CDH13: variants seen among roughly 807,000 people sequenced by gnomAD.
CDH13 encodes the protein cadherin-13.
In CDH13, 24 loss-of-function variants were observed where a neutral mutation model predicts 63.8. The observed-to-expected ratio is 0.38, with a 90% confidence interval of 0.27 to 0.53. The LOEUF (loss-of-function observed/expected upper bound fraction) is 0.53. Ranked by LOEUF, CDH13 falls within the 20% of genes least tolerant of loss-of-function variation. The pLI is 0.85. For synonymous variants in CDH13, 503 were observed against 355.3 expected, an observed-to-expected ratio of 1.42 and a Z score of -4.67; for missense variants, 1,049 against 903.1, an observed-to-expected ratio of 1.16 and a Z score of -2.07.
At chr16:83,179,735 C>T (rs1597474573) in intron 4 of CDH13, among the ~76,000 whole-genome samples, 1 of 152,048 alleles carries the variant, frequency 6.6e-6, no homozygotes, top group Non-Finnish European at 1.5e-5. Flanking sequence ...TTGAATTCGT[C>T]TCCCCAGATT....
chr16:82,920,317 C>G lies in CDH13; in HGVS notation c.157+61844C>G, dbSNP rs183391728. Among the ~76,000 whole-genome samples, 30 of 152,336 alleles carry G rather than the reference C, an allele frequency of 2.0e-4. No individual in the cohort carries two copies. In the East Asian group the frequency reaches 5.4e-3, roughly 27 times the overall value. ...CTCATAATGCAAAGGTAGTTGCCAGCAGCTCCAGGCTCACATCCATCCTTC... is the reference window on the plus strand; with the variant it reads ...CTCATAATGCAAAGGTAGTTGCCAGGAGCTCCAGGCTCACATCCATCCTTC... On this transcript the variant is annotated intron_variant, in intron 2 of 13. Coordinates refer to ENST00000567109, the MANE Select transcript of CDH13 (RefSeq NM_001257.5).
intron 7 of CDH13, among the ~76,000 whole-genome samples, chr16:83,584,182 T>G (rs1377161552): frequency 6.6e-6 from 1 of 151,092 alleles, no homozygotes. Context: ...ACAAAAAAAA[T>G]TAGCCGGGCA....
At chr16:83,590,882 T>C (rs922977816) in intron 7 of CDH13, among the ~76,000 whole-genome samples, 55 of 151,372 alleles carry the variant, frequency 3.6e-4, no homozygotes, top group Non-Finnish European at 1.3e-4. Context: ...ATCTGTGTTT[T>C]AGTACACCCA....
At chr16:82,895,332 C>A (rs1282948661) in intron 2 of CDH13, among the ~76,000 whole-genome samples, 1 of 152,132 alleles carries the variant, frequency 6.6e-6, no homozygotes, top group Non-Finnish European at 1.5e-5. Flanking sequence ...TGGCTTGTTA[C>A]CCTCCCTCCT....
rs978555566 is a variant in CDH13, at chr16:83,591,506, C to T, written c.961-10948C>T. On this transcript the variant is annotated intron_variant, in intron 7 of 13. Transcript: ENST00000567109. The stretch of plus-strand genomic sequence containing the variant: ...TGAAGGTAGGGCAGGACGAGAAGGC[C>T]TCGAAGGTACTTTTGAGAACTTGTG... Among the ~76,000 whole-genome samples, 3 of 152,298 alleles carry T rather than the reference C, an allele frequency of 2.0e-5. No individual in the cohort carries two copies. In the East Asian group the frequency reaches 5.8e-4, roughly 29 times the overall value.
intron 6 of CDH13, among the ~76,000 whole-genome samples, chr16:83,475,269 G>A (rs749002702): frequency 5.9e-5 from 9 of 152,216 alleles, no homozygotes; most frequent in African/African-American, 4.8e-5. Context: ...AGGTCTGGCC[G>A]CTGAAGTGCA....
At chr16:82,730,114 G>C (rs754594978) in intron 1 of CDH13, among the ~76,000 whole-genome samples, 4 of 152,168 alleles carry the variant, frequency 2.6e-5, no homozygotes, top group Non-Finnish European at 2.9e-5. Context: ...ATCAGCAATA[G>C]GACTGTCTTA....
At chr16:83,063,519 G>A (rs558099199) in intron 3 of CDH13, among the ~76,000 whole-genome samples, 8 of 152,188 alleles carry the variant, frequency 5.3e-5, no homozygotes, top group Non-Finnish European at 1.0e-4. Flanking sequence ...CCCAGCCTAA[G>A]GTTATAGCAA....
intron 7 of CDH13, among the ~76,000 whole-genome samples, chr16:83,577,359 C>T (rs935435463): frequency 3.9e-5 from 6 of 152,190 alleles, no homozygotes; most frequent in Non-Finnish European, 8.8e-5. Flanking sequence ...CTCCATGTCA[C>T]GCCTCACTGC....
intron 3 of CDH13, among the ~76,000 whole-genome samples, chr16:83,033,251 A>C (rs1916539867): frequency 6.6e-6 from 1 of 152,012 alleles, no homozygotes; most frequent in Admixed American, 6.5e-5. Flanking sequence ...CAGTGACTTC[A>C]GTATATCTAT....
rs59678924 is a variant in CDH13, at chr16:83,368,937, T to TACAC, written c.781+23933_781+23934insACAC. Among the ~76,000 whole-genome samples, 179 of 68,872 alleles carry TACAC rather than the reference T, an allele frequency of 2.6e-3. 5 individuals are homozygous for TACAC. Among genetic ancestry groups the TACAC allele is most frequent in the African/African-American group, 9.7e-3 (163 of 16,856 alleles). 45.2% of individuals were successfully genotyped at this position (68,872 alleles called of 152,430 possible). A position where few individuals can be genotyped will look rare whatever the true frequency, so the allele number is the denominator to read the frequency against. ...ATATATATATATATATATATATATATACTAGGTTTTTTTAATCTGTTCATT... is the reference window on the plus strand; with the variant it reads ...ATATATATATATATATATATATATATACACACTAGGTTTTTTTAATCTGTTCATT... On this transcript the variant is annotated intron_variant, in intron 6 of 13. Coordinates refer to ENST00000567109, the MANE Select transcript of CDH13 (RefSeq NM_001257.5).
At chr16:83,122,446 A>G (rs1001535822) in intron 3 of CDH13, among the ~76,000 whole-genome samples, 1 of 152,242 alleles carries the variant, frequency 6.6e-6, no homozygotes, top group African/African-American at 2.4e-5. Context: ...CGCATAGAGC[A>G]AACACCCTGA....
intron 8 of CDH13, among the ~76,000 whole-genome samples, chr16:83,661,796 A>G (rs2150838722): frequency 6.6e-6 from 1 of 152,336 alleles, no homozygotes; most frequent in Admixed American, 6.5e-5. Flanking sequence ...TGCAGCCAAC[A>G]CATGGAAATA....
At chr16:83,104,482 C>T (rs888358184) in intron 3 of CDH13, among the ~76,000 whole-genome samples, 2 of 152,016 alleles carry the variant, frequency 1.3e-5, no homozygotes, top group East Asian at 1.9e-4. Flanking sequence ...TAAAGAGAGC[C>T]ACATAAAAGA....
intron 4 of CDH13, among the ~76,000 whole-genome samples, chr16:83,198,721 G>C (rs939475754): frequency 2.0e-5 from 3 of 152,148 alleles, no homozygotes; most frequent in African/African-American, 7.2e-5. Flanking sequence ...ATAGTCTGTT[G>C]TATGGGAACA....
intron 3 of CDH13, among the ~76,000 whole-genome samples, chr16:83,108,136 A>G (rs534424023): frequency 1.3e-5 from 2 of 151,748 alleles, no homozygotes; most frequent in East Asian, 3.9e-4. Context: ...TTTTCTTTTT[A>G]TCTCTTTCTC....
At chr16:82,824,769 A>G (rs1388449310) in intron 1 of CDH13, 3 of 152,254 alleles carry the variant, frequency 2.0e-5, no homozygotes, top group Admixed American at 6.5e-5. Flanking sequence ...TAAGAGATGT[A>G]TCAATCATAA....
chr16:83,252,107 T>TATACACACACAC (rs1555519940), intron 5 of CDH13, among the ~76,000 whole-genome samples: 1 of 135,958 alleles, frequency 7.4e-6, no homozygotes, highest in Non-Finnish European at 1.5e-5. Flanking sequence ...ATATATATTA[T>TATACACACACAC]ACACACACAC....
intron 1 of CDH13, chr16:82,829,574 G>C (rs968668505): frequency 6.6e-6 from 1 of 152,154 alleles, no homozygotes; most frequent in African/African-American, 2.4e-5. Flanking sequence ...GAAAGGGAAA[G>C]AGGGGGAAAC....
Sources: gnomAD v4.1 joint callset for allele counts (sites outside exome capture counted in the v4.1 genomes callset) on GRCh38, gnomAD v4.1.1 for gene constraint, MANE v1.5 for transcripts, NCBI Gene and HGNC (gene_info 2026-07-23, HGNC 2026-07-21) for gene names.